Variants in TRHDE observed in about 807,000 individuals in gnomAD.
The protein encoded by TRHDE is thyrotropin-releasing hormone-degrading ectoenzyme.
TRHDE carries 72 observed loss-of-function variants against 125.7 expected under a neutral mutation model. The observed-to-expected ratio is 0.57, with a 90% CI of 0.47 to 0.70. The LOEUF (loss-of-function observed/expected upper bound fraction) is 0.70. Ranked by LOEUF, TRHDE falls within the 30% of genes least tolerant of loss-of-function variation. The pLI, the probability that TRHDE is intolerant of heterozygous loss-of-function variation, is 0.00. For missense variants in TRHDE, 1,110 were observed against 1,327.1 expected, an observed-to-expected ratio of 0.84 and a Z score of 2.54; for synonymous variants, 509 against 509.1, an observed-to-expected ratio of 1.00 and a Z score of 0.00.
chr12:72,334,885 G>C (rs547397728), intron 2 of TRHDE, among the ~76,000 whole-genome samples: 275 of 152,330 alleles, frequency 1.8e-3, no homozygotes, highest in South Asian at 4.8e-3. Context: ...GGAATGAAAA[G>C]AGTCAGGCAG....
At chr12:72,429,016 A>T (rs1874310023) in intron 3 of TRHDE, among the ~76,000 whole-genome samples, 1 of 152,092 alleles carries the variant, frequency 6.6e-6, no homozygotes. Flanking sequence ...ATGCAGCCAT[A>T]AAAAAGGATG....
chr12:72,171,132 T>C (rs1876864021), intron 2 of TRHDE, among the ~76,000 whole-genome samples: 1 of 152,178 alleles, frequency 6.6e-6, no homozygotes, highest in South Asian at 2.1e-4. Context: ...AATTAACTTG[T>C]GCTCTTCTCT....
At chr12:72,401,409 G>T (rs1031325028) in intron 3 of TRHDE, among the ~76,000 whole-genome samples, 1 of 152,134 alleles carries the variant, frequency 6.6e-6, no homozygotes, top group Non-Finnish European at 1.5e-5. Context: ...TGAGCAGCTT[G>T]CCTAGAATCA....
intron 3 of TRHDE, among the ~76,000 whole-genome samples, chr12:72,391,341 G>A (rs190967630): frequency 2.7e-4 from 41 of 152,228 alleles, no homozygotes; most frequent in African/African-American, 8.7e-4. Flanking sequence ...ATACACAAGC[G>A]GAGCAAATCC....
At chr12:72,530,752 C>T (rs1868512036) in intron 6 of TRHDE, among the ~76,000 whole-genome samples, 1 of 151,956 alleles carries the variant, frequency 6.6e-6, no homozygotes, top group South Asian at 2.1e-4. Flanking sequence ...TTAAAGAAAT[C>T]TTTCCTGATT....
intron 3 of TRHDE, among the ~76,000 whole-genome samples, chr12:72,460,923 G>T (rs538666933): frequency 6.6e-6 from 1 of 152,046 alleles, no homozygotes; most frequent in East Asian, 1.9e-4. Flanking sequence ...CCTTTTTCAG[G>T]GAAAAAGGAA....
At chr12:72,565,583 T>TG (rs1474343177) in intron 9 of TRHDE, among the ~76,000 whole-genome samples, 1 of 152,224 alleles carries the variant, frequency 6.6e-6, no homozygotes. Flanking sequence ...GAGGAGCTTC[T>TG]CAGCGTTCTT....
chr12:72,196,372 A>G (rs954142774), intron 2 of TRHDE, among the ~76,000 whole-genome samples: 7 of 151,918 alleles, frequency 4.6e-5, no homozygotes, highest in African/African-American at 1.7e-4. Flanking sequence ...ATGTTTTTTC[A>G]TTTTTTATGT....
chr12:72,113,483 A>T (rs555249790), intron 2 of TRHDE, among the ~76,000 whole-genome samples: 78 of 152,104 alleles, frequency 5.1e-4, no homozygotes, highest in African/African-American at 1.9e-3. Flanking sequence ...AGTTTTATAG[A>T]GATGGAGTCT....
intron 7 of TRHDE, among the ~76,000 whole-genome samples, chr12:72,558,881 T>C (rs1334527487): frequency 1.3e-5 from 2 of 151,988 alleles, no homozygotes; most frequent in African/African-American, 4.8e-5. Context: ...CAGTTATCTA[T>C]GTGGCTAATA....
intron 2 of TRHDE, among the ~76,000 whole-genome samples, chr12:72,351,486 A>G (rs1265910128): frequency 6.6e-6 from 1 of 152,002 alleles, no homozygotes; most frequent in African/African-American, 2.4e-5. Context: ...AGAAAGCAGT[A>G]CAATGCCTAG....
chr12:72,436,948 C>T (rs1874774701), intron 3 of TRHDE, among the ~76,000 whole-genome samples: 3 of 151,912 alleles, frequency 2.0e-5, no homozygotes, highest in African/African-American at 7.2e-5. Context: ...TCTGGGCATC[C>T]TCCATTATCT....
chr12:72,402,360 G>A (rs965796190), intron 3 of TRHDE, among the ~76,000 whole-genome samples: 1 of 152,158 alleles, frequency 6.6e-6, no homozygotes, highest in African/African-American at 2.4e-5. Flanking sequence ...CTGGGCTGTA[G>A]ACAGCACATG....
chr12:72,549,608 TATC>T (rs1444455598), intron 7 of TRHDE, among the ~76,000 whole-genome samples: 3 of 151,856 alleles, frequency 2.0e-5, no homozygotes, highest in Non-Finnish European at 2.9e-5. Flanking sequence ...ATAATAATGT[TATC>T]ATTACTAATT....
intron 3 of TRHDE, among the ~76,000 whole-genome samples, chr12:72,447,381 A>T (rs1039485332): frequency 6.6e-6 from 1 of 152,168 alleles, no homozygotes; most frequent in African/African-American, 2.4e-5. Context: ...GTAGAGGGAA[A>T]TTTATAGCAC....
intron 2 of TRHDE, among the ~76,000 whole-genome samples, chr12:72,185,373 C>G (rs1044765490): frequency 6.6e-6 from 1 of 152,234 alleles, no homozygotes; most frequent in Non-Finnish European, 1.5e-5. Flanking sequence ...CCGACGAGCA[C>G]CACCCCCTGC....
chr12:72,092,993 C>T (rs903907008), intron 1 of TRHDE, among the ~76,000 whole-genome samples: 1 of 152,150 alleles, frequency 6.6e-6, no homozygotes, highest in African/African-American at 2.4e-5. Context: ...CTCCATTTCC[C>T]CTGTGAGAAG....
At chr12:72,486,553 A>G (rs1178262183) in intron 5 of TRHDE, among the ~76,000 whole-genome samples, 2 of 152,144 alleles carry the variant, frequency 1.3e-5, no homozygotes, top group African/African-American at 4.8e-5. Flanking sequence ...TTGCTAATGT[A>G]GATAACAACT....
At chr12:72,261,637 T>G (rs1878952790) in intron 2 of TRHDE, among the ~76,000 whole-genome samples, 1 of 152,162 alleles carries the variant, frequency 6.6e-6, no homozygotes, top group Admixed American at 6.6e-5. Flanking sequence ...CTGACATGCT[T>G]TCAGTTCCAT....
Sources: gnomAD v4.1 joint callset for allele counts (sites outside exome capture counted in the v4.1 genomes callset) on GRCh38, gnomAD v4.1.1 for gene constraint, MANE v1.5 for transcripts, NCBI Gene and HGNC (gene_info 2026-07-23, HGNC 2026-07-21) for gene names.